The following PPTC7 variants were observed in gnomAD, a reference collection of about 807,000 sequenced individuals.
PPTC7 encodes the protein protein phosphatase PTC7 homolog.
PPTC7 carries 6 observed loss-of-function variants against 30.8 expected under a neutral mutation model. The observed-to-expected ratio is 0.19, with a 90% CI of 0.11 to 0.38. The LOEUF is 0.38. Among genes scored for constraint, PPTC7 ranks in the 10% least tolerant of loss-of-function variants. The probability of loss-of-function intolerance (pLI) is 1.00; values close to 1 mark genes in which losing one functional copy is unlikely to be tolerated. For synonymous variants in PPTC7, 163 were observed against 168.1 expected (o/e 0.97, Z 0.23); for missense variants, 218 against 404.8 (o/e 0.54, Z 3.96).
At chr12:110,580,775 G>A (rs569130848) in intron 1 of PPTC7, among the ~76,000 whole-genome samples, 26 of 151,042 alleles carry the variant, frequency 1.7e-4, no homozygotes, top group Non-Finnish European at 2.8e-4. Flanking sequence ...TTTTTGAGAC[G>A]GAGTCTCGCA....
rs1007317596 is a variant in PPTC7 at position 110,533,773 on chromosome 12, C to G, written c.*3264G>C. The G allele has an allele frequency of 1.3e-5, 2 of 152,200 alleles. No individual in the cohort carries two copies. The highest frequency in any genetic ancestry group is 4.8e-5 in the African/African-American group (2 of 41,432). The allele number at this position is 152,200 out of a possible 1,614,324, so 9.4% of individuals were successfully genotyped here. A position where few individuals can be genotyped will look rare whatever the true frequency, so the allele number is the denominator to read the frequency against. ...TCTTGTTTACATTCTCTCAAACACT[C>G]AAAGCTGACTCAATAAATTCCCACG... On this transcript the variant is annotated 3_prime_UTR_variant, in exon 6 of 6. Coordinates refer to ENST00000354300, the MANE Select transcript of PPTC7 (RefSeq NM_139283.2).
At chr12:110,552,033 C>T (rs939502409) in intron 1 of PPTC7, 65 bp from the exon 2 acceptor site, 1 of 1,327,060 alleles carries the variant, frequency 7.5e-7, no homozygotes, top group Non-Finnish European at 1.1e-6. Context: ...ATTCTTACCT[C>T]TGTTTTCTCC....
chr12:110,571,946 A>C (rs767561188), intron 1 of PPTC7, among the ~76,000 whole-genome samples: 16 of 152,238 alleles, frequency 1.1e-4, no homozygotes, highest in Non-Finnish European at 2.1e-4. Flanking sequence ...TAGAGGCCAT[A>C]AACAGTTTTC....
At chr12:110,574,760 A>C (rs2064573227) in intron 1 of PPTC7, among the ~76,000 whole-genome samples, 1 of 152,104 alleles carries the variant, frequency 6.6e-6, no homozygotes, top group African/African-American at 2.4e-5. Context: ...TCAGGGAGAC[A>C]GAAAACTCCC....
At chr12:110,568,758 C>T (rs1189792209) in intron 1 of PPTC7, among the ~76,000 whole-genome samples, 1 of 152,180 alleles carries the variant, frequency 6.6e-6, no homozygotes, top group Non-Finnish European at 1.5e-5. Context: ...CAGCCAAAAA[C>T]TCCAAAGGGA....
rs139874422 is a variant in PPTC7, at chr12:110,548,943, A to C, written c.403+2846T>G. ...GCAGCCTAATATTGGGAGAAGAGCT[A>C]ATCATTCTCACGTGTTTGGAGAGGC... is the stretch of plus-strand genomic sequence containing the variant. On this transcript the variant is annotated intron_variant, in intron 2 of 5. Transcript: ENST00000354300. 4.2e-3 allele frequency among the ~76,000 whole-genome samples: 647 copies of C among 152,282 alleles called. 5 individuals carry two copies. The highest frequency in any genetic ancestry group is 0.015 in the African/African-American group (621 of 41,566).
At chr12:110,582,636 G>T (rs1329006086) in intron 1 of PPTC7, among the ~76,000 whole-genome samples, 173 bp downstream of exon 1, 1 of 152,206 alleles carries the variant, frequency 6.6e-6, no homozygotes, top group Non-Finnish European at 1.5e-5. Context: ...GGTCGTTCAA[G>T]CGGAAAACGC....
chr12:110,551,254 T>A (rs1424613608), intron 2 of PPTC7, among the ~76,000 whole-genome samples: 1 of 152,240 alleles, frequency 6.6e-6, no homozygotes, highest in Non-Finnish European at 1.5e-5. Context: ...GCATACTATA[T>A]GTTCATATTT....
At chr12:110,541,957 C>G (rs936023596) in intron 3 of PPTC7, among the ~76,000 whole-genome samples, 1 of 151,682 alleles carries the variant, frequency 6.6e-6, no homozygotes, top group Non-Finnish European at 1.5e-5. Context: ...ACCAGCCTGG[C>G]CATCATGGTG....
At chr12:110,547,000 C>T (rs1393600522) in intron 2 of PPTC7, among the ~76,000 whole-genome samples, 1 of 151,718 alleles carries the variant, frequency 6.6e-6, no homozygotes, top group East Asian at 1.9e-4. Context: ...ATTCATTCTG[C>T]GGGAGTGAAA....
intron 4 of PPTC7, among the ~76,000 whole-genome samples, chr12:110,538,498 C>CT (rs2064234741): frequency 6.6e-6 from 1 of 152,108 alleles, no homozygotes; most frequent in East Asian, 1.9e-4. Context: ...TTCATTTTTG[C>CT]TTTTTTTCCC....
chr12:110,575,268 A>G (rs1488917926), intron 1 of PPTC7, among the ~76,000 whole-genome samples: 2 of 152,186 alleles, frequency 1.3e-5, no homozygotes, highest in Non-Finnish European at 2.9e-5. Context: ...TCCAGTTTGA[A>G]AAGTCAAATT....
intron 3 of PPTC7, among the ~76,000 whole-genome samples, chr12:110,542,633 T>C (rs1219730954): frequency 7.7e-6 from 1 of 130,106 alleles, no homozygotes; most frequent in Non-Finnish European, 1.5e-5. Context: ...ATTGCGCCAC[T>C]GCACTCCAGC....
chr12:110,552,278 T>C (rs1184998505), intron 1 of PPTC7, among the ~76,000 whole-genome samples: 1 of 152,244 alleles, frequency 6.6e-6, no homozygotes, highest in Non-Finnish European at 1.5e-5. Flanking sequence ...ATTTGTGTCA[T>C]TAATACTTTG....
At chr12:110,552,321 A>C (rs570932557) in intron 1 of PPTC7, among the ~76,000 whole-genome samples, 149 of 152,372 alleles carry the variant, frequency 9.8e-4, no homozygotes, top group African/African-American at 3.4e-3. Context: ...ATTTTTAAGC[A>C]AAGTGCTGAT....
Position 110,550,722 on chromosome 12 carries a change from CA to C in PPTC7, c.403+1066del, listed in dbSNP as rs752858272. ...GCCAAAGGATGCTCCATTAGCATACCACATAAACAAACCCTAAATACTTGGT... is the reference window on the plus strand; with the variant it reads ...GCCAAAGGATGCTCCATTAGCATACCCATAAACAAACCCTAAATACTTGGT... On this transcript the variant is annotated intron_variant, in intron 2 of 5. Transcript: ENST00000354300. 1.1e-4 allele frequency among the ~76,000 whole-genome samples: 17 copies of C among 152,222 alleles called. No individual in the cohort carries two copies. The Middle Eastern group carries it at 0.017, about 152-fold the overall frequency.
intron 1 of PPTC7, among the ~76,000 whole-genome samples, chr12:110,555,464 T>C (rs1348184548): frequency 1.3e-5 from 2 of 152,230 alleles, no homozygotes; most frequent in Admixed American, 6.5e-5. Flanking sequence ...CTCTCTACTT[T>C]GATATATATT....
intron 1 of PPTC7, among the ~76,000 whole-genome samples, chr12:110,556,116 A>T (rs2064385230): frequency 6.6e-6 from 1 of 152,240 alleles, no homozygotes; most frequent in Non-Finnish European, 1.5e-5. Flanking sequence ...CTCACTAAAT[A>T]ATCTGTCAGC....
intron 1 of PPTC7, among the ~76,000 whole-genome samples, chr12:110,562,549 T>C (rs1333979139): frequency 6.6e-6 from 1 of 151,974 alleles, no homozygotes; most frequent in Non-Finnish European, 1.5e-5. Context: ...ATCCCGCACT[T>C]TGGGAGGCTG....
Sources: allele counts gnomAD v4.1 joint callset (sites outside exome capture counted in the v4.1 genomes callset), GRCh38; gene constraint gnomAD v4.1.1; transcripts MANE v1.5; gene names NCBI Gene and HGNC (gene_info 2026-07-23, HGNC 2026-07-21).